The following CHCHD3 variants were observed in gnomAD, a reference collection of about 807,000 sequenced individuals.
CHCHD3 encodes coiled-coil-helix-coiled-coil-helix domain containing 3.
A neutral mutation model predicts 38.2 loss-of-function variants in CHCHD3; 20 were observed. The observed-to-expected ratio is 0.52, with a 90% CI of 0.37 to 0.76. The LOEUF is 0.76. Ranked by LOEUF, CHCHD3 falls within the 30% of genes least tolerant of loss-of-function variation. The pLI is 0.00. For synonymous variants in CHCHD3, 82 were observed against 100.0 expected, an observed-to-expected ratio of 0.82 and a Z score of 1.07; for missense variants, 245 against 279.2, an observed-to-expected ratio of 0.88 and a Z score of 0.87.
At chr7:132,979,901 C>G (rs138604163) in intron 3 of CHCHD3, among the ~76,000 whole-genome samples, 1 of 152,316 alleles carries the variant, frequency 6.6e-6, no homozygotes, top group East Asian at 1.9e-4. Flanking sequence ...TTATTTTCTT[C>G]TAAGTTTCCT....
At chr7:132,958,630 T>C (rs1811238051) in intron 4 of CHCHD3, among the ~76,000 whole-genome samples, 2 of 152,342 alleles carry the variant, frequency 1.3e-5, no homozygotes, top group African/African-American at 4.8e-5. Flanking sequence ...AAAATAAAGA[T>C]TGGCACATCT....
intron 3 of CHCHD3, among the ~76,000 whole-genome samples, chr7:132,978,042 G>T (rs369692986): frequency 2.6e-5 from 4 of 152,188 alleles, no homozygotes; most frequent in East Asian, 3.9e-4. Flanking sequence ...TTAATCTCCG[G>T]TGAGTCCTGT....
rs551682313 is a variant in CHCHD3, at chr7:132,954,321, G to A, written c.369+20848C>T. 6.4e-4 allele frequency among the ~76,000 whole-genome samples: 97 copies of A among 152,136 alleles called. 2 individuals carry two copies. Among genetic ancestry groups the A allele is most frequent in the Non-Finnish European group, 1.0e-3 (71 of 68,024 alleles). ...GGGCTGCTATTCTACTGAATGAATC[G>A]AGGCATGGCAACATTTTGTCACCTA... On this transcript the variant is annotated intron_variant, in intron 4 of 7. Transcript: ENST00000262570.
At chr7:132,811,878 C>G (rs889449446) in intron 6 of CHCHD3, among the ~76,000 whole-genome samples, 9 of 152,150 alleles carry the variant, frequency 5.9e-5, no homozygotes, top group African/African-American at 1.9e-4. Flanking sequence ...GACACCTCAG[C>G]CATTCTCATG....
chr7:132,817,652 C>A (rs1807233708), intron 6 of CHCHD3, among the ~76,000 whole-genome samples: 1 of 152,090 alleles, frequency 6.6e-6, no homozygotes, highest in African/African-American at 2.4e-5. Context: ...ATCACTGACA[C>A]CTTGGGATAA....
intron 3 of CHCHD3, among the ~76,000 whole-genome samples, chr7:133,012,830 GGGA>G (rs1351859046): frequency 8.2e-6 from 1 of 122,682 alleles, no homozygotes; most frequent in Non-Finnish European, 1.7e-5. Context: ...GGGAAGGGAG[GGGA>G]GGAGAAGAGA....
intron 7 of CHCHD3, among the ~76,000 whole-genome samples, chr7:132,794,733 C>A (rs925609973): frequency 3.3e-5 from 5 of 152,006 alleles, no homozygotes; most frequent in Admixed American, 2.0e-4. Flanking sequence ...TTTTGGCTGA[C>A]CTGTTTAGTA....
intron 3 of CHCHD3, among the ~76,000 whole-genome samples, chr7:132,982,080 G>A (rs1051712454): frequency 8.5e-5 from 13 of 152,118 alleles, no homozygotes; most frequent in Non-Finnish European, 7.3e-5. Context: ...AAACAGAAGA[G>A]CTAAGCTGGG....
At chr7:132,965,039 C>T (rs1811423010) in intron 4 of CHCHD3, among the ~76,000 whole-genome samples, 1 of 145,458 alleles carries the variant, frequency 6.9e-6, no homozygotes, top group East Asian at 2.0e-4. Context: ...GCTAAGTAGG[C>T]TCATAATGCT....
chr7:132,954,270 C>G (rs1001000375), intron 4 of CHCHD3, among the ~76,000 whole-genome samples: 6 of 152,258 alleles, frequency 3.9e-5, no homozygotes, highest in African/African-American at 1.2e-4. Flanking sequence ...GACACAGCAC[C>G]TGGTGCAGAG....
chr7:133,006,774 G>A (rs10267851), intron 3 of CHCHD3, among the ~76,000 whole-genome samples: 52,559 of 151,912 alleles, frequency 0.35, 9,944 homozygotes, highest in Non-Finnish European at 0.43. Context: ...TAATAATAAG[G>A]ATATCCAATG....
chr7:132,882,742 T>C (rs1476014304), intron 5 of CHCHD3, among the ~76,000 whole-genome samples: 1 of 152,124 alleles, frequency 6.6e-6, no homozygotes, highest in East Asian at 1.9e-4. Flanking sequence ...GTTTATAAGG[T>C]ACCTAACATA....
At position 133,024,459 on chromosome 7, in the gene CHCHD3, G is replaced by A. The variant is rs76786295; in HGVS notation, c.251+87C>T. The A allele has an allele frequency of 2.3e-3, 2,290 of 993,490 alleles. 36 individuals are homozygous for A. In the African/African-American group the frequency reaches 0.032, roughly 14 times the overall value. The allele number at this position is 993,490 out of a possible 1,614,324, so 61.5% of individuals were successfully genotyped here. A position where few individuals can be genotyped will look rare whatever the true frequency, so the allele number is the denominator to read the frequency against. ...TGAAGTTCAGTCATACACAAATAAT[G>A]AGACTTATCACAATCATTCTTCTCT... On this transcript the variant is annotated intron_variant, in intron 3 of 7. Coordinates refer to ENST00000262570, the MANE Select transcript of CHCHD3 (RefSeq NM_017812.4).
chr7:132,985,760 A>G (rs1159254645), intron 3 of CHCHD3, among the ~76,000 whole-genome samples: 9 of 60,070 alleles, frequency 1.5e-4, no homozygotes, highest in African/African-American at 2.0e-4. Context: ...CCGGCCAGCC[A>G]CCCCGTCCGG....
intron 3 of CHCHD3, among the ~76,000 whole-genome samples, chr7:132,979,338 C>T (rs977500419): frequency 6.6e-6 from 1 of 152,252 alleles, no homozygotes; most frequent in Non-Finnish European, 1.5e-5. Flanking sequence ...ACAAAAACTA[C>T]ACACTGGAAT....
intron 4 of CHCHD3, among the ~76,000 whole-genome samples, chr7:132,960,763 G>C (rs1234748312): frequency 6.6e-6 from 1 of 152,092 alleles, no homozygotes; most frequent in East Asian, 1.9e-4. Flanking sequence ...AGAACACTGA[G>C]GTCAGGAGTT....
At chr7:132,946,855 TTA>T (rs2117280064) in intron 4 of CHCHD3, among the ~76,000 whole-genome samples, 1 of 151,992 alleles carries the variant, frequency 6.6e-6, no homozygotes, top group South Asian at 2.1e-4. Flanking sequence ...TATCTAAATT[TTA>T]TATTTATTCT....
chr7:132,805,534 G>A lies in CHCHD3; in HGVS notation c.525-8957C>T, dbSNP rs145826663. Among the ~76,000 whole-genome samples the A allele has an allele frequency of 6.7e-3, 1,017 of 152,164 alleles. 11 individuals carry two copies. Among genetic ancestry groups the A allele is most frequent in the African/African-American group, 0.024 (993 of 41,500 alleles). ...GGGTAGTGCTAAGAAGGGAGGGGCCGGGATATGGACAGTCTGCCAAGAAGA... is the reference window on the plus strand; with the variant it reads ...GGGTAGTGCTAAGAAGGGAGGGGCCAGGATATGGACAGTCTGCCAAGAAGA... On this transcript the variant is annotated intron_variant, in intron 6 of 7. Transcript: ENST00000262570.
At chr7:132,998,893 A>C (rs1046202443) in intron 3 of CHCHD3, among the ~76,000 whole-genome samples, 8 of 152,202 alleles carry the variant, frequency 5.3e-5, no homozygotes, top group African/African-American at 1.9e-4. Context: ...AAAAATTAGC[A>C]TTAAAACAGC....
Sources: allele counts gnomAD v4.1 joint callset (sites outside exome capture counted in the v4.1 genomes callset), GRCh38; gene constraint gnomAD v4.1.1; transcripts MANE v1.5; gene names NCBI Gene and HGNC (gene_info 2026-07-23, HGNC 2026-07-21).